Variants in KLRG1 observed in about 807,000 individuals in gnomAD.
The protein encoded by KLRG1 is killer cell lectin like receptor G1, also known as killer cell lectin-like receptor subfamily G member 1.
Under a neutral mutation model 21.8 loss-of-function variants are expected in KLRG1, and 16 were observed. The ratio of observed to expected loss-of-function variants is 0.73; its 90% CI spans 0.50 to 1.11. The LOEUF is 1.11. Among genes scored for constraint, KLRG1 ranks in the 50% most tolerant of loss-of-function variants. The probability of loss-of-function intolerance (pLI) is 0.00; values close to 1 mark genes in which losing one functional copy is unlikely to be tolerated. For missense variants in KLRG1, 173 were observed against 218.3 expected (o/e 0.79, Z 1.31); for synonymous variants, 69 against 75.9 (o/e 0.91, Z 0.47).
the KLRG1 span, chr12:9,115,625 G>T: frequency 3.0e-6 from 2 of 671,632 alleles, no homozygotes. Flanking sequence ...GAGTAAACTA[G>T]ATTTGTAAAA....
At chr12:9,060,841 C>T in the KLRG1 span, among the ~76,000 whole-genome samples, 13 of 152,164 alleles carry the variant, frequency 8.5e-5, no homozygotes, top group South Asian at 6.2e-4. Context: ...TTTTTCGTCA[C>T]GTGAAGACTA....
At chr12:8,974,076 A>G (rs1946615859) in intron 1 of KLRG1, among the ~76,000 whole-genome samples, 1 of 151,770 alleles carries the variant, frequency 6.6e-6, no homozygotes, top group African/African-American at 2.4e-5. Context: ...ATCCAGCACT[A>G]TGTTGAATGG....
chr12:9,143,752 A>T, the KLRG1 span, among the ~76,000 whole-genome samples: 91 of 152,186 alleles, frequency 6.0e-4, 1 homozygote, highest in Non-Finnish European at 1.2e-4. Context: ...TTGCAATAAA[A>T]AGCCAAACAC....
At chr12:8,982,956 A>G (rs1331563345) in intron 1 of KLRG1, among the ~76,000 whole-genome samples, 4 of 152,072 alleles carry the variant, frequency 2.6e-5, no homozygotes, top group Non-Finnish European at 4.4e-5. Context: ...AGAACAGACA[A>G]TATCTTTTTG....
chr12:9,078,652 A>G, the KLRG1 span, among the ~76,000 whole-genome samples: 2 of 152,196 alleles, frequency 1.3e-5, no homozygotes, highest in East Asian at 3.8e-4. Flanking sequence ...TTTACATTCA[A>G]GTAATTTGAA....
chr12:9,209,151 G>T, the KLRG1 span, among the ~76,000 whole-genome samples: 1 of 152,000 alleles, frequency 6.6e-6, no homozygotes, highest in Non-Finnish European at 1.5e-5. Flanking sequence ...CATAGAACTT[G>T]TAGTACAATG....
chr12:9,036,825 C>A, the KLRG1 span: 1 of 427,352 alleles, frequency 2.3e-6, no homozygotes, highest in Non-Finnish European at 4.7e-6. Flanking sequence ...CGAGGGCTGG[C>A]TTGCTGGGTA....
chr12:9,201,304 A>G, the KLRG1 span: 3 of 1,515,752 alleles, frequency 2.0e-6, no homozygotes, highest in African/African-American at 2.8e-5. Flanking sequence ...ATTTCCTTAT[A>G]AGATACTTTT....
At chr12:9,180,405 T>C in the KLRG1 span, among the ~76,000 whole-genome samples, 1,230 of 152,138 alleles carry the variant, frequency 8.1e-3, 1 homozygote, top group Non-Finnish European at 0.012. Flanking sequence ...AACTATACTA[T>C]AAGGCTACAG....
the KLRG1 span, chr12:9,200,967 G>A: frequency 1.7e-5 from 28 of 1,613,822 alleles, no homozygotes; most frequent in Non-Finnish European, 2.3e-5. Context: ...TAGGAGCCCT[G>A]AATGGGCTCT....
the KLRG1 span, chr12:9,090,069 C>G: frequency 6.4e-7 from 1 of 1,564,856 alleles, no homozygotes; most frequent in South Asian, 1.2e-5. Context: ...TCCCCTTCCT[C>G]CATGCCTCCA....
chr12:9,196,383 T>A, the KLRG1 span: 1 of 1,613,748 alleles, frequency 6.2e-7, no homozygotes, highest in Non-Finnish European at 8.5e-7. Flanking sequence ...TTCACGAATT[T>A]GAGTTTGGAT....
At chr12:9,041,892 A>C in the KLRG1 span, among the ~76,000 whole-genome samples, 1 of 152,200 alleles carries the variant, frequency 6.6e-6, no homozygotes, top group Admixed American at 6.5e-5. Flanking sequence ...TGCGTGCAGC[A>C]ATTTATCACC....
At chr12:9,129,860 A>G in the KLRG1 span, among the ~76,000 whole-genome samples, 1 of 152,178 alleles carries the variant, frequency 6.6e-6, no homozygotes, top group Non-Finnish European at 1.5e-5. Flanking sequence ...CCATTTTTAA[A>G]TGTACAGTTT....
intron 2 of KLRG1, among the ~76,000 whole-genome samples, chr12:8,993,697 G>C (rs1360832215): frequency 6.6e-6 from 1 of 152,172 alleles, no homozygotes; most frequent in African/African-American, 2.4e-5. Context: ...AATCCAGGCT[G>C]AGTAATGTCA....
chr12:9,100,681 A>G, the KLRG1 span, among the ~76,000 whole-genome samples: 242 of 152,368 alleles, frequency 1.6e-3, no homozygotes, highest in Non-Finnish European at 1.6e-3. Flanking sequence ...TCCCTCCCTC[A>G]ACTTTCTTTT....
chr12:9,088,699 A>G, the KLRG1 span, among the ~76,000 whole-genome samples: 1 of 152,134 alleles, frequency 6.6e-6, no homozygotes, highest in African/African-American at 2.4e-5. Context: ...TCCTTCTCAA[A>G]TGTTTGATAG....
At chr12:9,052,962 T>C in the KLRG1 span, 1 of 386,106 alleles carries the variant, frequency 2.6e-6, no homozygotes, top group Admixed American at 3.5e-5. Flanking sequence ...TTAGAAAACT[T>C]GTTCCTGTAC....
At chr12:9,101,203 A>G in the KLRG1 span, 1 of 1,557,852 alleles carries the variant, frequency 6.4e-7, no homozygotes, top group Non-Finnish European at 8.7e-7. Context: ...TCCCTTTGCC[A>G]TTATCTGCAA....
Sources: gnomAD v4.1 joint callset for allele counts (sites outside exome capture counted in the v4.1 genomes callset) on GRCh38, gnomAD v4.1.1 for gene constraint, MANE v1.5 for transcripts, NCBI Gene and HGNC (gene_info 2026-07-23, HGNC 2026-07-21) for gene names.